ARSB: variants seen among roughly 807,000 people sequenced by gnomAD.
ARSB encodes the protein arylsulfatase B.
ARSB carries 41 observed loss-of-function variants against 50.9 expected under a neutral mutation model. The observed-to-expected ratio is 0.81, with a 90% CI of 0.63 to 1.04. The LOEUF (loss-of-function observed/expected upper bound fraction) is 1.04. ARSB is among the 50% of genes least tolerant of loss of function. The probability of loss-of-function intolerance (pLI) is 0.00; values close to 1 mark genes in which losing one functional copy is unlikely to be tolerated. For missense variants in ARSB, 672 were observed against 693.3 expected, an observed-to-expected ratio of 0.97 and a Z score of 0.35; for synonymous variants, 269 against 284.8, an observed-to-expected ratio of 0.94 and a Z score of 0.56.
At chr5:78,972,824 G>C (rs1752516048) in intron 1 of ARSB, among the ~76,000 whole-genome samples, 2 of 152,174 alleles carry the variant, frequency 1.3e-5, no homozygotes, top group Admixed American at 1.3e-4. Context: ...CCTAAGCCGT[G>C]GGCACCAAGC....
chr5:78,849,523 G>A (rs199993309), intron 5 of ARSB, among the ~76,000 whole-genome samples: 1 of 151,896 alleles, frequency 6.6e-6, no homozygotes, highest in South Asian at 2.1e-4. Flanking sequence ...TTGTTCTTTT[G>A]GCTTAGGATT....
chr5:78,839,482 A>G, intron 5 of ARSB, 56 bp from the exon 6 acceptor site: 1 of 1,440,006 alleles, frequency 6.9e-7, no homozygotes. Flanking sequence ...GGCATGAATT[A>G]TTTTAATACT....
Position 78,985,156 on chromosome 5 carries a change from C to T in ARSB, c.93G>A (p.Leu31=), listed in dbSNP as rs1460984352. Residue 31 remains leucine (L), a synonymous_variant, in exon 1 of 8, where the codon TTG becomes TTA. Coordinates refer to ENST00000264914, the MANE Select transcript of ARSB (RefSeq NM_000046.5). The part of the protein sequence containing the change: ...PVVLPLLLLL[L]LAPPGSGAGA... ...CGGCGCCCGAGCCCGGCGGCGCCAA[C>T]AACAGCAGCAGCAGCAGCGGGAGGA... The T allele has an allele frequency of 2.1e-6, 3 of 1,454,112 alleles. No homozygotes were observed. Among genetic ancestry groups the T allele is most frequent in the Non-Finnish European group, 1.8e-6 (2 of 1,102,666 alleles). The allele number at this position is 1,454,112 out of a possible 1,614,324, so 90.1% of individuals were successfully genotyped here.
At chr5:78,941,491 A>G (rs1750919994) in intron 4 of ARSB, among the ~76,000 whole-genome samples, 1 of 152,166 alleles carries the variant, frequency 6.6e-6, no homozygotes, top group Admixed American at 6.6e-5. Context: ...TTTAGCATGA[A>G]GGGTTGTTGA....
chr5:78,901,783 C>A (rs1182329715), intron 4 of ARSB, among the ~76,000 whole-genome samples: 1 of 152,188 alleles, frequency 6.6e-6, no homozygotes, highest in Non-Finnish European at 1.5e-5. Context: ...AGATGTCCCA[C>A]ATTAGTCATC....
At chr5:78,947,988 G>A (rs1751322418) in intron 4 of ARSB, among the ~76,000 whole-genome samples, 1 of 152,126 alleles carries the variant, frequency 6.6e-6, no homozygotes, top group Admixed American at 6.5e-5. Context: ...GCAACAACAT[G>A]GAGGGAACTG....
chr5:78,792,572 C>T (rs1317717017), intron 6 of ARSB, among the ~76,000 whole-genome samples: 2 of 152,142 alleles, frequency 1.3e-5, no homozygotes, highest in Admixed American at 1.3e-4. Context: ...TTTAACCACT[C>T]TGAGTTCCTG....
chr5:78,942,314 C>T (rs1383612801), intron 4 of ARSB, among the ~76,000 whole-genome samples: 1 of 152,062 alleles, frequency 6.6e-6, no homozygotes, highest in Non-Finnish European at 1.5e-5. Flanking sequence ...TTATTCCTTG[C>T]CTTCTGCTAG....
intron 5 of ARSB, among the ~76,000 whole-genome samples, chr5:78,868,172 A>T (rs964031584): frequency 6.4e-5 from 9 of 141,374 alleles, no homozygotes; most frequent in African/African-American, 2.4e-4. Context: ...TGAAAAGACC[A>T]AATCTACGTC....
At chr5:78,815,138 G>A (rs990146486) in intron 6 of ARSB, among the ~76,000 whole-genome samples, 3 of 150,896 alleles carry the variant, frequency 2.0e-5, no homozygotes, top group African/African-American at 7.4e-5. Flanking sequence ...GATTATTGAA[G>A]TTGACTGTAG....
At chr5:78,917,934 C>T (rs1749634645) in intron 4 of ARSB, among the ~76,000 whole-genome samples, 1 of 152,188 alleles carries the variant, frequency 6.6e-6, no homozygotes, top group Non-Finnish European at 1.5e-5. Context: ...TATAAGAGAA[C>T]AGACCAAGAG....
At chr5:78,787,191 A>T (rs1177186676) in intron 6 of ARSB, among the ~76,000 whole-genome samples, 1 of 150,900 alleles carries the variant, frequency 6.6e-6, no homozygotes, top group East Asian at 2.0e-4. Context: ...CCTGGCCTCA[A>T]GCGATCCAGC....
intron 6 of ARSB, among the ~76,000 whole-genome samples, chr5:78,817,821 C>T (rs190664725): frequency 0.012 from 1,815 of 151,694 alleles, 19 homozygotes; most frequent in Non-Finnish European, 0.019. Flanking sequence ...CCTCAAAAAA[C>T]CCAAAAAAAC....
intron 4 of ARSB, among the ~76,000 whole-genome samples, chr5:78,896,145 C>T (rs1176457261): frequency 6.6e-6 from 1 of 152,162 alleles, no homozygotes; most frequent in Non-Finnish European, 1.5e-5. Flanking sequence ...GAAGGGGTTG[C>T]AGCTGAACTG....
At chr5:78,908,501 T>C (rs1749164404) in intron 4 of ARSB, among the ~76,000 whole-genome samples, 1 of 152,174 alleles carries the variant, frequency 6.6e-6, no homozygotes, top group Non-Finnish European at 1.5e-5. Flanking sequence ...GGCAGACAGC[T>C]GTCAGCCACT....
intron 5 of ARSB, among the ~76,000 whole-genome samples, chr5:78,855,162 T>C (rs894417096): frequency 6.6e-6 from 1 of 152,218 alleles, no homozygotes; most frequent in Non-Finnish European, 1.5e-5. Flanking sequence ...CAGGATACCA[T>C]GTCAGCACAG....
At chr5:78,930,417 T>C (rs1327813677) in intron 4 of ARSB, among the ~76,000 whole-genome samples, 1 of 149,750 alleles carries the variant, frequency 6.7e-6, no homozygotes, top group Admixed American at 6.7e-5. Context: ...CAAGAAAGTG[T>C]TCTGAGATGG....
intron 5 of ARSB, among the ~76,000 whole-genome samples, chr5:78,849,718 G>C (rs1414699122): frequency 1.4e-5 from 2 of 139,700 alleles, no homozygotes; most frequent in Admixed American, 7.5e-5. Context: ...CCATTTGTTT[G>C]TATCCTCTTT....
At chr5:78,842,764 G>GA (rs1554074477) in intron 5 of ARSB, among the ~76,000 whole-genome samples, 1 of 115,120 alleles carries the variant, frequency 8.7e-6, no homozygotes, top group Non-Finnish European at 1.8e-5. Flanking sequence ...TTCTGTTTTT[G>GA]TTTTTGTTTT....
Sources: gnomAD v4.1 joint callset for allele counts (sites outside exome capture counted in the v4.1 genomes callset) on GRCh38, gnomAD v4.1.1 for gene constraint, MANE v1.5 for transcripts, NCBI Gene and HGNC (gene_info 2026-07-23, HGNC 2026-07-21) for gene names.